Variants in TDRD1 observed in about 807,000 individuals in gnomAD.
The protein encoded by TDRD1 is tudor domain-containing protein 1.
A neutral mutation model predicts 140.6 loss-of-function variants in TDRD1; 37 were observed. That is an observed-to-expected ratio of 0.26 (90% CI 0.20 to 0.35). The LOEUF (loss-of-function observed/expected upper bound fraction) is 0.35, where lower values mean the gene tolerates loss of function less well. TDRD1 is among the 10% of genes least tolerant of loss of function. The pLI, the probability that TDRD1 is intolerant of heterozygous loss-of-function variation, is 1.00. For missense variants in TDRD1, 1,243 were observed against 1,393.0 expected, an observed-to-expected ratio of 0.89 and a Z score of 1.71; for synonymous variants, 506 against 475.7, an observed-to-expected ratio of 1.06 and a Z score of -0.83.
chr10:114,188,181 ACTT>A (rs747296236), intron 2 of TDRD1, 25 bp downstream of exon 2: 4 of 1,538,860 alleles, frequency 2.6e-6, no homozygotes, highest in African/African-American at 2.8e-5. Flanking sequence ...CAGGCTTCCT[ACTT>A]CTTCATTCTC....
At chr10:114,200,847 CTTTT>C (rs33964094) in intron 4 of TDRD1, among the ~76,000 whole-genome samples, 186 of 80,418 alleles carry the variant, frequency 2.3e-3, no homozygotes, top group African/African-American at 9.5e-3. Flanking sequence ...TTGCTGCTGC[CTTTT>C]TTTTTTTTTT....
At chr10:114,207,489 C>T (rs2035201574) in intron 11 of TDRD1, among the ~76,000 whole-genome samples, 1 of 152,192 alleles carries the variant, frequency 6.6e-6, no homozygotes, top group Admixed American at 6.5e-5. Context: ...TCCCTATCTG[C>T]ATTCTTAGAG....
chr10:114,184,681 AG>A (rs775112401), intron 1 of TDRD1, among the ~76,000 whole-genome samples: 7 of 152,240 alleles, frequency 4.6e-5, no homozygotes, highest in Non-Finnish European at 1.0e-4. Flanking sequence ...ACTTTTGAAA[AG>A]GTATCAAATT....
At chr10:114,181,612 G>A (rs1485824963) in intron 1 of TDRD1, among the ~76,000 whole-genome samples, 1 of 152,166 alleles carries the variant, frequency 6.6e-6, no homozygotes, top group African/African-American at 2.4e-5. Context: ...CCAGCGCTTC[G>A]GGAGGCTGAG....
intron 16 of TDRD1, among the ~76,000 whole-genome samples, chr10:114,214,955 A>G (rs2035718953): frequency 6.6e-6 from 1 of 151,804 alleles, no homozygotes; most frequent in African/African-American, 2.4e-5. Context: ...GTTAGCCAGG[A>G]TGGTCTCGAT....
chr10:114,178,336 G>C (rs1415740664), upstream of TDRD1, among the ~76,000 whole-genome samples: 1 of 152,182 alleles, frequency 6.6e-6, no homozygotes, highest in Non-Finnish European at 1.5e-5. Flanking sequence ...CAAAGCAGTG[G>C]GTCAGCACAC....
chr10:114,199,192 G>A lies in TDRD1; in HGVS notation c.404G>A (p.Arg135His), dbSNP rs149031282. 3.1e-4 allele frequency: 493 copies of A among 1,613,000 alleles called. No homozygotes were observed. The highest frequency in any genetic ancestry group is 2.6e-3 in the African/African-American group (195 of 74,916). ...TAATAGAAGCCTGGAAATAATGTAC[G>A]TCCTGCAAAATCAAAAAAACTAAAC... The change falls in exon 4 of 26, where the codon CGT (arginine) becomes CAT (histidine). Residue 135 changes from arginine to histidine, a missense_variant. Transcript: ENST00000251864.
intron 10 of TDRD1, 37 bp downstream of exon 10, chr10:114,204,930 A>G (rs749914428): frequency 6.6e-7 from 1 of 1,507,392 alleles, no homozygotes; most frequent in Non-Finnish European, 8.8e-7. Context: ...ACTTAATAGG[A>G]TATGTAGTTT....
chr10:114,218,181 C>T (rs913012293), intron 17 of TDRD1, among the ~76,000 whole-genome samples: 10 of 152,116 alleles, frequency 6.6e-5, no homozygotes, highest in African/African-American at 2.2e-4. Context: ...ATCTTTAATT[C>T]ATATCAAATG....
intron 25 of TDRD1, chr10:114,228,494 T>TA (rs2036569740): frequency 9.8e-7 from 1 of 1,017,440 alleles, no homozygotes; most frequent in Non-Finnish European, 1.2e-6. Flanking sequence ...AGAGCTCACT[T>TA]ATGCACATTG....
exon 15 of TDRD1, chr10:114,213,568 G>A: frequency 6.2e-7 from 1 of 1,613,852 alleles, no homozygotes; most frequent in Non-Finnish European, 8.5e-7. Context: ...GATAAACCCA[G>A]TGACGTGAAA....
chr10:114,230,344 G>A (rs1168504113), intron 25 of TDRD1, among the ~76,000 whole-genome samples: 5 of 152,102 alleles, frequency 3.3e-5, no homozygotes, highest in African/African-American at 1.2e-4. Context: ...TCCTGACTGT[G>A]GGAATAAATA....
intron 3 of TDRD1, among the ~76,000 whole-genome samples, chr10:114,194,093 A>C (rs1347022314): frequency 6.6e-6 from 1 of 152,188 alleles, no homozygotes; most frequent in East Asian, 1.9e-4. Context: ...GCTGAGTTCT[A>C]TCTGGTAATA....
Position 114,203,705 on chromosome 10 carries a change from C to T in TDRD1, c.981+138C>T, listed in dbSNP as rs550497204. 35 of 770,916 alleles carry T rather than the reference C, an allele frequency of 4.5e-5. No individual in the cohort carries two copies. In the South Asian group the frequency reaches 6.2e-4, roughly 14 times the overall value. 47.8% of individuals were successfully genotyped at this position (770,916 alleles called of 1,614,324 possible). A position where few individuals can be genotyped will look rare whatever the true frequency, so the allele number is the denominator to read the frequency against. ...ACGCTTCTATTCCTCTTCAGTATCC[C>T]GTGCTCTGTTCACCTTGCTTCCTCC... On this transcript the variant is annotated intron_variant, in intron 8 of 25. Transcript: ENST00000251864.
chr10:114,224,371 T>A, intron 21 of TDRD1, among the ~76,000 whole-genome samples: 1 of 152,256 alleles, frequency 6.6e-6, no homozygotes, highest in Non-Finnish European at 1.5e-5. Flanking sequence ...TTTTGAAATT[T>A]ATGATGTGAC....
At chr10:114,212,023 G>A in exon 14 of TDRD1, 1 of 1,609,656 alleles carries the variant, frequency 6.2e-7, no homozygotes, top group African/African-American at 1.3e-5. Context: ...AAGCTATAAA[G>A]TGTGTACTAG....
At chr10:114,202,404 C>A in intron 6 of TDRD1, 106 bp downstream of exon 6, 2 of 728,196 alleles carry the variant, frequency 2.7e-6, no homozygotes, top group Non-Finnish European at 4.2e-6. Context: ...TATTTAAAGG[C>A]AAGTTTCCTA....
At chr10:114,201,323 T>G (rs2034726061) in intron 4 of TDRD1, 87 bp from the exon 5 acceptor site, 3 of 1,040,958 alleles carry the variant, frequency 2.9e-6, no homozygotes, top group Non-Finnish European at 3.0e-6. Context: ...TCTCTTGCCA[T>G]GGCTAATAGA....
chr10:114,207,046 A>G (rs2035167872), intron 11 of TDRD1, among the ~76,000 whole-genome samples: 2 of 152,228 alleles, frequency 1.3e-5, no homozygotes, highest in Admixed American at 6.5e-5. Flanking sequence ...TTACTCCTGT[A>G]AAAGCTTGTG....
Sources: gnomAD v4.1 joint callset for allele counts (sites outside exome capture counted in the v4.1 genomes callset) on GRCh38, gnomAD v4.1.1 for gene constraint, MANE v1.5 for transcripts, NCBI Gene and HGNC (gene_info 2026-07-23, HGNC 2026-07-21) for gene names.